The following PTDSS1 variants were observed in gnomAD, a reference collection of about 807,000 sequenced individuals.
PTDSS1 encodes PSS-1.
A neutral mutation model predicts 70.5 loss-of-function variants in PTDSS1; 45 were observed. The ratio of observed to expected loss-of-function variants is 0.64; its 90% CI spans 0.50 to 0.82. The LOEUF (loss-of-function observed/expected upper bound fraction) is 0.82, where lower values mean the gene tolerates loss of function less well. Among genes scored for constraint, PTDSS1 ranks in the 40% least tolerant of loss-of-function variants. The pLI, the probability that PTDSS1 is intolerant of heterozygous loss-of-function variation, is 0.00. For missense variants in PTDSS1, 417 were observed against 586.1 expected (o/e 0.71, Z 2.98); for synonymous variants, 188 against 203.8 (o/e 0.92, Z 0.66).
At chr8:96,276,633 G>A (rs1345007494) in intron 2 of PTDSS1, among the ~76,000 whole-genome samples, 1 of 152,170 alleles carries the variant, frequency 6.6e-6, no homozygotes, top group Non-Finnish European at 1.5e-5. Context: ...CTTCCGCGGT[G>A]CTGCTCTGGT....
In PTDSS1 at chr8:96,299,771, T is replaced by A. The variant is rs1322766805; in HGVS notation, c.678T>A (p.Asn226Lys). 1 of 1,614,202 alleles carries A rather than the reference T, an allele frequency of 6.2e-7. No homozygotes were observed. ...TCATTCTGGACATCCTGTTGTGCAA[T>A]GGCGGTGGCATTTGGCTGGGCATGG... Reference protein sequence around the residue: ...DQVILDILLCNGGGIWLGMVV... With the variant: ...DQVILDILLCKGGGIWLGMVV... Residue 226 changes from asparagine to lysine, a missense_variant, in exon 6 of 13, where the codon AAT becomes AAA. This residue lies in a region of PTDSS1 where 272 missense variants were observed against 429.5 expected (regional missense o/e 0.63). Transcript: ENST00000517309.
At position 96,262,271 on chromosome 8, in the gene PTDSS1, G is replaced by A; in HGVS notation, c.179+52G>A. ...CGCGTCCAAGGGCTAGGGAAGAGGCGGGAGGGAGGGTGGCGGGGAGGGGGG... is the reference window on the plus strand; with the variant it reads ...CGCGTCCAAGGGCTAGGGAAGAGGCAGGAGGGAGGGTGGCGGGGAGGGGGG... On this transcript the variant is annotated intron_variant, in intron 1 of 12. Coordinates refer to ENST00000517309, the MANE Select transcript of PTDSS1 (RefSeq NM_014754.3). The surrounding 1 kb of genome is among the most constrained non-coding windows in gnomAD (Gnocchi z 4.4). 3 of 1,539,982 alleles carry A rather than the reference G, an allele frequency of 1.9e-6. No individual in the cohort carries two copies. Among genetic ancestry groups the A allele is most frequent in the Non-Finnish European group, 2.7e-6 (3 of 1,125,560 alleles).
At chr8:96,286,009 C>T (rs1225657859) in intron 3 of PTDSS1, among the ~76,000 whole-genome samples, 1 of 152,116 alleles carries the variant, frequency 6.6e-6, no homozygotes, top group African/African-American at 2.4e-5. Flanking sequence ...CCACATACCA[C>T]CCGGGCCTCC....
intron 8 of PTDSS1, 98 bp downstream of exon 8, chr8:96,306,654 C>T (rs1489072691): frequency 3.3e-6 from 3 of 903,250 alleles, no homozygotes; most frequent in South Asian, 1.5e-5. Context: ...GCAGATTTTC[C>T]ATGAAAATAC....
rs770172944 is a variant in PTDSS1 at position 96,262,978 on chromosome 8, C to T, written c.179+759C>T. On this transcript the variant is annotated intron_variant, in intron 1 of 12. Coordinates refer to ENST00000517309, the MANE Select transcript of PTDSS1 (RefSeq NM_014754.3). The surrounding 1 kb of genome is among the most constrained non-coding windows in gnomAD (Gnocchi z 4.4). ...AGACACCAGCCCGCCACACATCACG[C>T]GGTGCATACCCTGCTCACTCATTAC... 6.6e-6 allele frequency among the ~76,000 whole-genome samples: 1 copy of T among 152,202 alleles called. No individual in the cohort carries two copies. The highest frequency in any genetic ancestry group is 2.4e-5 in the African/African-American group (1 of 41,440).
intron 12 of PTDSS1, among the ~76,000 whole-genome samples, chr8:96,331,450 A>AC (rs1422553325): frequency 6.6e-6 from 1 of 151,890 alleles, no homozygotes; most frequent in African/African-American, 2.4e-5. Context: ...AATCGCATGA[A>AC]CCTGGAAGGC....
At chr8:96,321,720 A>G (rs1811374878) in intron 10 of PTDSS1, among the ~76,000 whole-genome samples, 1 of 151,966 alleles carries the variant, frequency 6.6e-6, no homozygotes, top group Admixed American at 6.5e-5. Context: ...TGTATTTTTA[A>G]CGTGTCTTTT....
chr8:96,312,411 A>G lies in PTDSS1; in HGVS notation c.1073+2789A>G, dbSNP rs554959884. Among the ~76,000 whole-genome samples, 88 of 150,894 alleles carry G rather than the reference A, an allele frequency of 5.8e-4. No homozygotes were observed. In the Middle Eastern group the frequency reaches 0.01, roughly 18 times the overall value. On this transcript the variant is annotated intron_variant, in intron 9 of 12. Transcript: ENST00000517309. ...GAGGTCAAGCCTGCATTGAGCTATGATTGTGCCTCTGCACTCCCACCCGGA... is the reference window on the plus strand; with the variant it reads ...GAGGTCAAGCCTGCATTGAGCTATGGTTGTGCCTCTGCACTCCCACCCGGA...
At chr8:96,332,177 C>A (rs1811527316) in intron 12 of PTDSS1, among the ~76,000 whole-genome samples, 1 of 152,086 alleles carries the variant, frequency 6.6e-6, no homozygotes, top group African/African-American at 2.4e-5. Context: ...CTCTAAGGAT[C>A]ACTTTGGGAA....
chr8:96,289,079 C>T (rs978887244), intron 4 of PTDSS1, among the ~76,000 whole-genome samples: 3 of 151,980 alleles, frequency 2.0e-5, no homozygotes, highest in Non-Finnish European at 4.4e-5. Flanking sequence ...GGACTACAGG[C>T]GCCTGCCACT....
chr8:96,327,423 CA>C (rs1251333094), intron 10 of PTDSS1, among the ~76,000 whole-genome samples: 31 of 152,264 alleles, frequency 2.0e-4, no homozygotes, highest in Middle Eastern at 3.4e-3. Flanking sequence ...TAGGGGTCTC[CA>C]CTGCCTCCCT....
At chr8:96,284,924 C>T (rs775622123) in intron 3 of PTDSS1, among the ~76,000 whole-genome samples, 1 of 152,244 alleles carries the variant, frequency 6.6e-6, no homozygotes, top group African/African-American at 2.4e-5. Context: ...ACTCAGCAGC[C>T]ATTCACTGAG....
In PTDSS1 at chr8:96,262,084, T is replaced by G; in HGVS notation, c.44T>G (p.Val15Gly). The change falls in exon 1 of 13, where the codon GTG becomes GGG. Residue 15 changes from valine (V) to glycine (G), a missense_variant. Physicochemically the swap from Val to Gly is moderately radical, Grantham distance 109. Around this residue, in one of 3 missense-constraint regions of PTDSS1, gnomAD observed 38 missense variants for 34.3 expected, o/e 1.11. Coordinates refer to ENST00000517309, the MANE Select transcript of PTDSS1 (RefSeq NM_014754.3). The surrounding 1 kb of genome is among the most constrained non-coding windows in gnomAD (Gnocchi z 4.4). ...VGSRTLSKDD[V>G]NYKMHFRMIN... ...AGCCGGACCCTAAGCAAGGATGATG[T>G]GAACTACAAAATGCATTTCCGGATG... 1 of 1,613,834 alleles carries G rather than the reference T, an allele frequency of 6.2e-7. No individual in the cohort carries two copies. Among genetic ancestry groups the G allele is most frequent in the Non-Finnish European group, 8.5e-7 (1 of 1,179,778 alleles).
intron 10 of PTDSS1, among the ~76,000 whole-genome samples, chr8:96,320,608 C>T (rs954072656): frequency 1.6e-4 from 24 of 152,134 alleles, no homozygotes; most frequent in African/African-American, 5.3e-4. Context: ...CCTTGACTCA[C>T]GAGAATTTGT....
In PTDSS1 at chr8:96,336,397, G is replaced by A. The variant is rs1173119104; in HGVS notation, c.*2831G>A. On this transcript the variant is annotated 3_prime_UTR_variant, in exon 13 of 13. Transcript: ENST00000517309. ...TTGGGTAGAATCCTGCACTTACAGA[G>A]GCCCTTGGGGTCATTGAGAAGTGGA... 2 of 151,932 alleles carry A rather than the reference G, an allele frequency of 1.3e-5. No individual in the cohort carries two copies. The highest frequency in any genetic ancestry group is 2.9e-5 in the Non-Finnish European group (2 of 68,028). 9.4% of individuals were successfully genotyped at this position (151,932 alleles called of 1,614,324 possible). A position where few individuals can be genotyped will look rare whatever the true frequency, so the allele number is the denominator to read the frequency against.
At chr8:96,333,156 T>C (rs976764980) in intron 12 of PTDSS1, among the ~76,000 whole-genome samples, 1 of 152,206 alleles carries the variant, frequency 6.6e-6, no homozygotes, top group Admixed American at 6.5e-5. Flanking sequence ...TCACTTGTGC[T>C]CTCACTTCTG....
At chr8:96,271,794 A>G (rs1049909475) in intron 1 of PTDSS1, among the ~76,000 whole-genome samples, 1 of 152,204 alleles carries the variant, frequency 6.6e-6, no homozygotes, top group Non-Finnish European at 1.5e-5. Flanking sequence ...GAGGCTGACC[A>G]TCTTTTCACT....
At chr8:96,324,564 G>A (rs1811412848) in intron 10 of PTDSS1, among the ~76,000 whole-genome samples, 1 of 152,168 alleles carries the variant, frequency 6.6e-6, no homozygotes, top group African/African-American at 2.4e-5. Flanking sequence ...ATGGTGGAAG[G>A]GCAGAAGGCA....
chr8:96,304,267 C>A, intron 7 of PTDSS1, 86 bp downstream of exon 7: 1 of 1,408,908 alleles, frequency 7.1e-7, no homozygotes. Flanking sequence ...CATTAGTTTA[C>A]ATTGCTTTTC....
Sources: gnomAD v4.1 joint callset for allele counts (sites outside exome capture counted in the v4.1 genomes callset) on GRCh38, gnomAD v4.1.1 for gene constraint, gnomAD v4.1.1 regional missense constraint, Gnocchi (gnomAD v3.1) non-coding constraint, MANE v1.5 for transcripts, NCBI Gene and HGNC (gene_info 2026-07-23, HGNC 2026-07-21) for gene names.